The following DCAF6 variants were observed in gnomAD, a reference collection of about 807,000 sequenced individuals.
The protein encoded by DCAF6 is DDB1 and CUL4 associated factor 6.
Under a neutral mutation model 125.1 loss-of-function variants are expected in DCAF6, and 54 were observed. That is an observed-to-expected ratio of 0.43 (90% CI 0.35 to 0.54). DCAF6 has a LOEUF of 0.54. Among genes scored for constraint, DCAF6 ranks in the 20% least tolerant of loss-of-function variants. The pLI, the probability that DCAF6 is intolerant of heterozygous loss-of-function variation, is 0.01. For synonymous variants in DCAF6, 371 were observed against 390.4 expected (o/e 0.95, Z 0.58); for missense variants, 934 against 1,161.7 (o/e 0.80, Z 2.85).
At chr1:167,871,224 G>T in the DCAF6 span, among the ~76,000 whole-genome samples, 1 of 152,070 alleles carries the variant, frequency 6.6e-6, no homozygotes, top group African/African-American at 2.4e-5. Flanking sequence ...AAGGAAATTT[G>T]CCCTCTGTAA....
chr1:168,004,713 C>T lies in DCAF6; in HGVS notation c.1298C>T (p.Ser433Phe), dbSNP rs770698749. 2.3e-5 allele frequency: 37 copies of T among 1,613,932 alleles called. No homozygotes were observed. Among genetic ancestry groups the T allele is most frequent in the Non-Finnish European group, 3.1e-5 (36 of 1,179,934 alleles). Residue 433 changes from serine to phenylalanine, a missense_variant, in exon 10 of 22, where the codon TCT becomes TTT. Around this residue, in one of 5 missense-constraint regions of DCAF6, gnomAD observed 559 missense variants for 635.5 expected, o/e 0.88. Coordinates refer to ENST00000367840, the MANE Select transcript of DCAF6 (RefSeq NM_001198956.2). ...TCATCTCCCACAGAAAGCCCTCATT[C>T]TACTCCTTTGCTATCTTCTCCAGAC... is the stretch of plus-strand genomic sequence containing the variant. Reference protein sequence around the residue: ...STSSPTESPHSTPLLSSPDSE... With the variant: ...STSSPTESPHFTPLLSSPDSE...
At chr1:168,040,149 GAGA>G (rs1266593513) in intron 13 of DCAF6, among the ~76,000 whole-genome samples, 1 of 152,062 alleles carries the variant, frequency 6.6e-6, no homozygotes, top group African/African-American at 2.4e-5. Context: ...CTTGAAGAGT[GAGA>G]AGGAGTGAGC....
At chr1:167,901,882 C>CTT in the DCAF6 span, 26,128 of 1,612,558 alleles carry the variant, frequency 0.016, 585 homozygotes, top group African/African-American at 0.1. Context: ...TGTATAGAAA[C>CTT]TTACTCATCA....
chr1:167,973,187 A>G (rs2102879698), intron 3 of DCAF6, among the ~76,000 whole-genome samples: 1 of 152,336 alleles, frequency 6.6e-6, no homozygotes, highest in South Asian at 2.1e-4. Flanking sequence ...TGACATTGAC[A>G]TGTCAGGCTA....
intron 3 of DCAF6, 83 bp from the exon 4 acceptor site, chr1:167,974,747 T>C: frequency 9.6e-7 from 1 of 1,036,878 alleles, no homozygotes; most frequent in Non-Finnish European, 1.3e-6. Context: ...AATGAGAATG[T>C]ATTACTGGCT....
At chr1:168,033,844 A>T (rs1479424638) in intron 12 of DCAF6, among the ~76,000 whole-genome samples, 2 of 152,222 alleles carry the variant, frequency 1.3e-5, no homozygotes, top group African/African-American at 2.4e-5. Flanking sequence ...GCAATATAGA[A>T]TCGCTATCTA....
intron 12 of DCAF6, among the ~76,000 whole-genome samples, chr1:168,031,796 G>A (rs1261956757): frequency 1.3e-5 from 2 of 152,110 alleles, no homozygotes; most frequent in South Asian, 2.1e-4. Flanking sequence ...GCCACATGGC[G>A]TGGGCGTATT....
At chr1:167,936,442 C>G (rs560329759), upstream of DCAF6, 7 of 181,304 alleles carry the variant, frequency 3.9e-5, no homozygotes, top group South Asian at 2.2e-4. Context: ...TAGCTTCTCT[C>G]TCTACTCGTC....
chr1:167,920,319 TATAAAA>T, the DCAF6 span, among the ~76,000 whole-genome samples: 1 of 152,222 alleles, frequency 6.6e-6, no homozygotes, highest in African/African-American at 2.4e-5. Context: ...TCTTCCCACT[TATAAAA>T]ATATGTTCAT....
intron 16 of DCAF6, among the ~76,000 whole-genome samples, chr1:168,049,443 T>C (rs1041946628): frequency 2.0e-5 from 3 of 147,254 alleles, no homozygotes; most frequent in Non-Finnish European, 3.0e-5. Flanking sequence ...TTTTTTTTTT[T>C]TTTTTTTTTA....
intron 12 of DCAF6, among the ~76,000 whole-genome samples, chr1:168,035,962 T>C (rs1218048385): frequency 1.3e-5 from 2 of 152,072 alleles, no homozygotes; most frequent in African/African-American, 4.8e-5. Context: ...CTCTGGAGGC[T>C]GAGGCAGGAG....
the DCAF6 span, chr1:167,870,450 C>T: frequency 3.9e-6 from 6 of 1,524,088 alleles, no homozygotes; most frequent in East Asian, 2.3e-5. Flanking sequence ...ACTCAATCAA[C>T]GTAAAATAGT....
chr1:167,923,838 A>G, the DCAF6 span, among the ~76,000 whole-genome samples: 2 of 152,156 alleles, frequency 1.3e-5, no homozygotes, highest in Admixed American at 1.3e-4. Context: ...GATGGGGCCT[A>G]ACAAGTTCTC....
At chr1:168,019,591 C>T (rs780803282) in intron 11 of DCAF6, 1 of 455,156 alleles carries the variant, frequency 2.2e-6, no homozygotes, top group Non-Finnish European at 4.4e-6. Context: ...AGTGACAGCA[C>T]CCTGTGGAGT....
the DCAF6 span, among the ~76,000 whole-genome samples, chr1:167,908,677 C>T: frequency 6.6e-6 from 1 of 152,074 alleles, no homozygotes; most frequent in Non-Finnish European, 1.5e-5. Flanking sequence ...CACTTTTTGT[C>T]ATTTTTGCCT....
chr1:168,020,604 C>G lies in DCAF6; in HGVS notation c.1550-2384C>G, dbSNP rs114883970. 1.3e-3 allele frequency among the ~76,000 whole-genome samples: 194 copies of G among 152,178 alleles called. 1 individual carries two copies. Among genetic ancestry groups the G allele is most frequent in the African/African-American group, 4.5e-3 (187 of 41,518 alleles). Reference sequence around the variant, plus strand: ...CATGTTACAATAAACTACCATTGGACCATATATTCAGGTTTTTAGTTTGTG... The same window carrying G: ...CATGTTACAATAAACTACCATTGGAGCATATATTCAGGTTTTTAGTTTGTG... On this transcript the variant is annotated intron_variant, in intron 11 of 21. Transcript: ENST00000367840.
At chr1:168,061,171 T>C (rs148766357) in intron 17 of DCAF6, among the ~76,000 whole-genome samples, 48 of 152,302 alleles carry the variant, frequency 3.2e-4, no homozygotes, top group Non-Finnish European at 6.2e-4. Flanking sequence ...CAGTCAGAAA[T>C]AGAGTGAACT....
the DCAF6 span, among the ~76,000 whole-genome samples, chr1:167,903,322 G>A: frequency 6.6e-6 from 1 of 151,538 alleles, no homozygotes; most frequent in African/African-American, 2.4e-5. Flanking sequence ...CCAGCACTTT[G>A]GGGGGCTGAG....
the DCAF6 span, among the ~76,000 whole-genome samples, chr1:167,925,434 CATATACACATATATATATAT>C: frequency 1.4e-5 from 1 of 72,746 alleles, no homozygotes; most frequent in Non-Finnish European, 2.7e-5. Context: ...TACAGATATA[CATATACACATATATATATAT>C]ATATATATAT....
Sources: gnomAD v4.1 joint callset for allele counts (sites outside exome capture counted in the v4.1 genomes callset) on GRCh38, gnomAD v4.1.1 for gene constraint, gnomAD v4.1.1 regional missense constraint, MANE v1.5 for transcripts, NCBI Gene and HGNC (gene_info 2026-07-23, HGNC 2026-07-21) for gene names.